Variants in GALNT17 observed in about 807,000 individuals in gnomAD.
The protein encoded by GALNT17 is UDP-GalNAc:polypeptide N-acetylgalactosaminyltransferase-like 3.
Under a neutral mutation model 63.7 loss-of-function variants are expected in GALNT17, and 29 were observed. The ratio of observed to expected loss-of-function variants is 0.46; its 90% CI spans 0.34 to 0.62. The LOEUF is 0.62. Among genes scored for constraint, GALNT17 ranks in the 20% least tolerant of loss-of-function variants. The probability of loss-of-function intolerance (pLI) is 0.01; values close to 1 mark genes in which losing one functional copy is unlikely to be tolerated. For missense variants in GALNT17, 603 were observed against 799.6 expected, an observed-to-expected ratio of 0.75 and a Z score of 2.97; for synonymous variants, 305 against 318.3, an observed-to-expected ratio of 0.96 and a Z score of 0.45.
intron 1 of GALNT17, among the ~76,000 whole-genome samples, chr7:71,184,946 T>C (rs1372170130): frequency 1.1e-4 from 6 of 53,184 alleles, no homozygotes; most frequent in Admixed American, 1.0e-3. Flanking sequence ...CTCACTTCCT[T>C]CCTTCCTTCC....
At position 71,183,727 on chromosome 7, in the gene GALNT17, A is replaced by T. The variant is rs1796085; in HGVS notation, c.238+50687A>T. Among the ~76,000 whole-genome samples, 165 of 151,854 alleles carry T rather than the reference A, an allele frequency of 1.1e-3. 1 individual carries two copies. The highest frequency in any genetic ancestry group is 3.9e-3 in the African/African-American group (160 of 41,218). On this transcript the variant is annotated intron_variant, in intron 1 of 10. Coordinates refer to ENST00000333538, the MANE Select transcript of GALNT17 (RefSeq NM_022479.3). ...GCCTGGGCAACATGGTGAAACCCCC[A>T]CTGTACGAAAAATAACAAAAATTAG... is the stretch of plus-strand genomic sequence containing the variant.
chr7:71,226,182 A>T (rs1789676791), intron 1 of GALNT17, among the ~76,000 whole-genome samples: 1 of 152,238 alleles, frequency 6.6e-6, no homozygotes, highest in African/African-American at 2.4e-5. Flanking sequence ...GTCCTTCTTT[A>T]GGAACTTCAA....
chr7:71,497,594 A>T (rs1211930080), intron 5 of GALNT17, among the ~76,000 whole-genome samples: 1 of 152,222 alleles, frequency 6.6e-6, no homozygotes, highest in Non-Finnish European at 1.5e-5. Flanking sequence ...GGGGGTTAGG[A>T]TGTCAACATA....
chr7:71,670,972 C>A lies in GALNT17; in HGVS notation c.1404+863C>A, dbSNP rs189041467. Among the ~76,000 whole-genome samples the A allele has an allele frequency of 4.9e-3, 745 of 151,810 alleles. 10 individuals are homozygous for A. The highest frequency in any genetic ancestry group is 0.017 in the African/African-American group (706 of 41,370). On this transcript the variant is annotated intron_variant, in intron 8 of 10. Transcript: ENST00000333538. ...TACCCATGTATTTTTTTTACTAAAA[C>A]CATTCCATTCACAATGCCTAATAAT...
intron 2 of GALNT17, among the ~76,000 whole-genome samples, chr7:71,366,623 A>G (rs1304990253): frequency 6.6e-6 from 1 of 152,152 alleles, no homozygotes; most frequent in African/African-American, 2.4e-5. Flanking sequence ...CCCCAGCCCC[A>G]GATCTCTCTC....
intron 5 of GALNT17, among the ~76,000 whole-genome samples, chr7:71,553,842 A>G (rs866964265): frequency 1.3e-5 from 2 of 152,112 alleles, no homozygotes; most frequent in African/African-American, 4.8e-5. Context: ...ACAGGCTGTT[A>G]TTTGTTAAGG....
chr7:71,308,461 A>G (rs1228381902), intron 1 of GALNT17, among the ~76,000 whole-genome samples: 1 of 152,102 alleles, frequency 6.6e-6, no homozygotes, highest in African/African-American at 2.4e-5. Context: ...GAGGGAATGA[A>G]TAGGATTTTT....
intron 2 of GALNT17, among the ~76,000 whole-genome samples, chr7:71,365,685 T>C (rs1470157759): frequency 2.0e-5 from 3 of 152,044 alleles, no homozygotes; most frequent in Non-Finnish European, 2.9e-5. Context: ...TTTTTTTTAA[T>C]TTAAAGAAAG....
At chr7:71,455,685 A>C (rs1583970087) in intron 5 of GALNT17, among the ~76,000 whole-genome samples, 2 of 151,442 alleles carry the variant, frequency 1.3e-5, no homozygotes, top group Admixed American at 1.3e-4. Flanking sequence ...CATAGTCCAC[A>C]CTCCCCAGCC....
At chr7:71,169,701 G>T (rs1283347021) in intron 1 of GALNT17, among the ~76,000 whole-genome samples, 1 of 152,002 alleles carries the variant, frequency 6.6e-6, no homozygotes, top group Admixed American at 6.6e-5. Context: ...AACTACAGGT[G>T]CATGCCATCA....
chr7:71,710,762 T>C lies in GALNT17; in HGVS notation c.1502T>C (p.Leu501Pro). 6.2e-7 allele frequency: 1 copy of C among 1,611,980 alleles called. No homozygotes were observed. The highest frequency in any genetic ancestry group is 8.5e-7 in the Non-Finnish European group (1 of 1,179,756). ...CCTGCTGCTCTGGTCTCTCGACAGC[T>C]TGCCCGCTACACCAAGGAAGGCTTC... ...LYPCHGWGPQ[L>P]ARYTKEGFLH... is the part of the protein sequence containing the mutation. The change falls in exon 10 of 11, where the codon CTT (leucine) becomes CCT (proline). Residue 501 changes from leucine (L) to proline (P), a missense_variant and splice_region_variant. Leu to Pro is a moderately conservative substitution (Grantham distance 98). Transcript: ENST00000333538.
At chr7:71,365,204 A>G (rs1394869118) in intron 2 of GALNT17, among the ~76,000 whole-genome samples, 1 of 152,062 alleles carries the variant, frequency 6.6e-6, no homozygotes, top group African/African-American at 2.4e-5. Context: ...AAGCACGGGG[A>G]TTACAGGCAT....
At chr7:71,474,357 G>A (rs1254359774) in intron 5 of GALNT17, among the ~76,000 whole-genome samples, 1 of 152,076 alleles carries the variant, frequency 6.6e-6, no homozygotes, top group East Asian at 1.9e-4. Context: ...CTGTGACTAA[G>A]AATGCCTCAC....
At chr7:71,392,936 A>G (rs1478335671) in intron 3 of GALNT17, among the ~76,000 whole-genome samples, 3 of 152,228 alleles carry the variant, frequency 2.0e-5, no homozygotes, top group Non-Finnish European at 4.4e-5. Context: ...TTCTACGTCT[A>G]TTTAAAAAGA....
chr7:71,584,636 C>G (rs544588944), intron 6 of GALNT17, among the ~76,000 whole-genome samples: 1 of 152,268 alleles, frequency 6.6e-6, no homozygotes, highest in South Asian at 2.1e-4. Context: ...GTTATATTTT[C>G]TCAAAAAAAT....
chr7:71,540,533 C>G (rs917063621), intron 5 of GALNT17, among the ~76,000 whole-genome samples: 3 of 152,186 alleles, frequency 2.0e-5, no homozygotes, highest in Middle Eastern at 3.4e-3. Flanking sequence ...AGCAGTGACT[C>G]AGCAGAACAA....
At chr7:71,440,460 C>T (rs1255811984) in intron 5 of GALNT17, among the ~76,000 whole-genome samples, 1 of 151,360 alleles carries the variant, frequency 6.6e-6, no homozygotes, top group Non-Finnish European at 1.5e-5. Context: ...CTGCGACCTC[C>T]GAATCCTGGG....
chr7:71,445,497 A>G (rs57551096), intron 5 of GALNT17, among the ~76,000 whole-genome samples: 19,841 of 151,458 alleles, frequency 0.13, 1,914 homozygotes, highest in East Asian at 0.55. Flanking sequence ...GCGCCCGGCC[A>G]GGGTGGAGGC....
intron 6 of GALNT17, among the ~76,000 whole-genome samples, chr7:71,597,539 T>C (rs1460540953): frequency 1.3e-5 from 2 of 152,050 alleles, no homozygotes; most frequent in African/African-American, 4.8e-5. Context: ...AATAAATAAG[T>C]AAATAATAAA....
Sources: gnomAD v4.1 joint callset for allele counts (sites outside exome capture counted in the v4.1 genomes callset) on GRCh38, gnomAD v4.1.1 for gene constraint, MANE v1.5 for transcripts, NCBI Gene and HGNC (gene_info 2026-07-23, HGNC 2026-07-21) for gene names.